The following CLVS1 variants were observed in gnomAD, a reference collection of about 807,000 sequenced individuals.
CLVS1 encodes the protein clavesin 1, also known as clavesin-1.
A neutral mutation model predicts 33.1 loss-of-function variants in CLVS1; 10 were observed. The observed-to-expected ratio is 0.30, with a 90% confidence interval of 0.19 to 0.51. The LOEUF (loss-of-function observed/expected upper bound fraction) is 0.51. CLVS1 is among the 20% of genes least tolerant of loss of function. The pLI is 0.97. For missense variants in CLVS1, 343 were observed against 433.4 expected, an observed-to-expected ratio of 0.79 and a Z score of 1.85; for synonymous variants, 163 against 166.1, an observed-to-expected ratio of 0.98 and a Z score of 0.14.
chr8:61,420,960 A>C (rs1815638580), intron 3 of CLVS1, among the ~76,000 whole-genome samples: 1 of 152,340 alleles, frequency 6.6e-6, no homozygotes, highest in African/African-American at 2.4e-5. Context: ...AACAAGAATG[A>C]AAGTCCATCT....
At chr8:61,230,011 G>T (rs1361199995) in intron 2 of CLVS1, among the ~76,000 whole-genome samples, 2 of 152,142 alleles carry the variant, frequency 1.3e-5, no homozygotes, top group Non-Finnish European at 2.9e-5. Context: ...TGAGCTATCT[G>T]AAAGGGACCT....
intron 2 of CLVS1, among the ~76,000 whole-genome samples, chr8:61,326,156 A>G (rs1811377339): frequency 6.6e-6 from 1 of 152,108 alleles, no homozygotes; most frequent in Admixed American, 6.6e-5. Context: ...ACTAAAACCA[A>G]TGTCATATGT....
chr8:61,019,106 A>G, the CLVS1 span, among the ~76,000 whole-genome samples: 1 of 152,176 alleles, frequency 6.6e-6, no homozygotes, highest in East Asian at 1.9e-4. Context: ...ATTTAGTAAA[A>G]CTGTACTCTC....
At position 61,139,995 on chromosome 8, in the gene CLVS1, C is replaced by T. The variant is rs572628888; in HGVS notation, c.-152+8135C>T. ...TTCCAGAGTCTGAACTGGCCCTCAG[C>T]GGAGCTCTTGCAGGAAGCAGCCGAG... is the stretch of plus-strand genomic sequence containing the variant. On this transcript the variant is annotated intron_variant, in intron 2 of 2. Coordinates refer to the CLVS1 transcript ENST00000522621. Among the ~76,000 whole-genome samples the T allele has an allele frequency of 4.8e-4, 73 of 152,236 alleles. 1 individual carries two copies. The highest frequency in any genetic ancestry group is 1.7e-3 in the African/African-American group (72 of 41,556).
upstream of CLVS1, among the ~76,000 whole-genome samples, chr8:61,052,526 A>T (rs868463895): frequency 6.4e-5 from 2 of 31,390 alleles, no homozygotes; most frequent in African/African-American, 3.1e-4. Flanking sequence ...GGAAAAGAGG[A>T]CTAGGGAGGG....
chr8:61,086,767 C>T (rs16926812), intron 1 of CLVS1, among the ~76,000 whole-genome samples: 45,589 of 151,886 alleles, frequency 0.3, 7,297 homozygotes, highest in East Asian at 0.58. Flanking sequence ...CTGTCTCCTA[C>T]GGTTATTTTC....
Position 61,338,964 on chromosome 8 carries a change from CTGTGTGTG to C in CLVS1, c.456-37619_456-37612del, listed in dbSNP as rs10608173. Among the ~76,000 whole-genome samples, 155 of 148,618 alleles carry C rather than the reference CTGTGTGTG, an allele frequency of 1.0e-3. 6 individuals carry two copies. The East Asian group carries it at 0.026, about 25-fold the overall frequency. ...GTAGGCTTGGCCACCAAAGGGAACA[CTGTGTGTG>C]TGTGTGTGTGTGTGTGTGTGTATGC... On this transcript the variant is annotated intron_variant, in intron 2 of 5. Transcript: ENST00000325897.
chr8:61,245,838 C>T (rs562830292), intron 2 of CLVS1, among the ~76,000 whole-genome samples: 22 of 151,924 alleles, frequency 1.4e-4, no homozygotes, highest in Admixed American at 1.1e-3. Context: ...TTGTGATCAT[C>T]GGTCATTGAC....
At chr8:61,079,911 G>C (rs148513596) in intron 1 of CLVS1, among the ~76,000 whole-genome samples, 1 of 152,094 alleles carries the variant, frequency 6.6e-6, no homozygotes, top group African/African-American at 2.4e-5. Context: ...ACAATAAAAA[G>C]AAGTCAGTAG....
chr8:61,114,153 T>C (rs1048733755), intron 1 of CLVS1, among the ~76,000 whole-genome samples: 2 of 152,228 alleles, frequency 1.3e-5, no homozygotes, highest in African/African-American at 4.8e-5. Context: ...TGTTGTGAAA[T>C]ATTATTCTTC....
chr8:61,284,695 T>C (rs1256331865), upstream of CLVS1, among the ~76,000 whole-genome samples: 1 of 152,198 alleles, frequency 6.6e-6, no homozygotes, highest in African/African-American at 2.4e-5. Flanking sequence ...GGTCTTGCCA[T>C]GTTGGAAAAG....
chr8:61,101,601 T>C (rs937841680), intron 1 of CLVS1, among the ~76,000 whole-genome samples: 2 of 152,162 alleles, frequency 1.3e-5, no homozygotes, highest in Non-Finnish European at 2.9e-5. Context: ...GCTTTTGAAA[T>C]GTAAAAGTTT....
chr8:61,255,843 A>G (rs1010566913), intron 2 of CLVS1, among the ~76,000 whole-genome samples: 4 of 152,260 alleles, frequency 2.6e-5, no homozygotes, highest in Admixed American at 2.6e-4. Flanking sequence ...TTTTGAAATC[A>G]AAGTATCATC....
At chr8:61,478,237 C>T (rs557660085) in intron 5 of CLVS1, among the ~76,000 whole-genome samples, 2 of 152,100 alleles carry the variant, frequency 1.3e-5, no homozygotes, top group African/African-American at 4.8e-5. Context: ...GTACTTCCAA[C>T]TATGTGGTCA....
chr8:61,087,028 C>T (rs1315982111), intron 1 of CLVS1, among the ~76,000 whole-genome samples: 1 of 152,138 alleles, frequency 6.6e-6, no homozygotes, highest in Admixed American at 6.5e-5. Context: ...GTCCAATGGC[C>T]CTGGGTGCTA....
intron 2 of CLVS1, among the ~76,000 whole-genome samples, chr8:61,159,993 T>G (rs1806721588): frequency 6.6e-6 from 1 of 152,228 alleles, no homozygotes; most frequent in African/African-American, 2.4e-5. Flanking sequence ...CTTAGACTTT[T>G]GCAGATAGAA....
the CLVS1 span, among the ~76,000 whole-genome samples, chr8:60,983,109 T>C: frequency 6.6e-6 from 1 of 152,162 alleles, no homozygotes. Context: ...TTAGGATGGA[T>C]ACTCTGTTTC....
intron 1 of CLVS1, among the ~76,000 whole-genome samples, chr8:61,085,640 C>T (rs1805103333): frequency 6.6e-6 from 1 of 151,392 alleles, no homozygotes; most frequent in South Asian, 2.1e-4. Context: ...CCTGTAATCC[C>T]AGCACTTTCG....
chr8:61,239,136 A>AAAT (rs999351630), intron 2 of CLVS1, among the ~76,000 whole-genome samples: 231 of 152,338 alleles, frequency 1.5e-3, no homozygotes, highest in African/African-American at 5.4e-3. Context: ...ATAACTCCTT[A>AAAT]AATAGCATGC....
Sources: gnomAD v4.1 joint callset for allele counts (sites outside exome capture counted in the v4.1 genomes callset) on GRCh38, gnomAD v4.1.1 for gene constraint, MANE v1.5 for transcripts, NCBI Gene and HGNC (gene_info 2026-07-23, HGNC 2026-07-21) for gene names.